Variants in LMTK2 observed in about 807,000 individuals in gnomAD.
LMTK2 encodes the protein lemur tail kinase 2, also known as serine/threonine-protein kinase LMTK2.
In LMTK2, 37 loss-of-function variants were observed where a neutral mutation model predicts 127.5. The observed-to-expected ratio is 0.29, with a 90% CI of 0.22 to 0.38. The LOEUF (loss-of-function observed/expected upper bound fraction) is 0.38. Among genes scored for constraint, LMTK2 ranks in the 10% least tolerant of loss-of-function variants. The pLI is 1.00. For missense variants in LMTK2, 1,694 were observed against 1,920.3 expected (o/e 0.88, Z 2.20); for synonymous variants, 819 against 810.1 (o/e 1.01, Z -0.19).
chr7:98,193,969 G>A lies in LMTK2; in HGVS notation c.3504G>A (p.Leu1168=). ...CAGATGAAAGTTGTCTGTCTGCTTT[G>A]CACAACTCCAGTGACCTGGAATTAA... ...SQPDESCLSA[L]HNSSDLELRA... is the part of the protein sequence containing the mutation. Residue 1168 remains leucine, a synonymous_variant, in exon 11 of 14, where the codon TTG becomes TTA. Coordinates refer to ENST00000297293, the MANE Select transcript of LMTK2 (RefSeq NM_014916.4). The surrounding 1 kb of genome is among the most constrained non-coding windows in gnomAD (Gnocchi z 4.1). 1 of 1,614,072 alleles carries A rather than the reference G, an allele frequency of 6.2e-7. No homozygotes were observed. The highest frequency in any genetic ancestry group is 8.5e-7 in the Non-Finnish European group (1 of 1,180,052).
Position 98,186,953 on chromosome 7 carries a change from A to C in LMTK2, c.953A>C (p.Gln318Pro). 1.2e-6 allele frequency: 2 copies of C among 1,613,908 alleles called. No homozygotes were observed. Among genetic ancestry groups the C allele is most frequent in the Non-Finnish European group, 1.7e-6 (2 of 1,179,786 alleles). ...GCTCCAGAATTAGTAACCAGCTTTC[A>C]AGACAGACTGCTAACTGCAGATCAG... ...WTAPELVTSFQDRLLTADQTK... is the reference protein window; with the variant it reads ...WTAPELVTSFPDRLLTADQTK... The change falls in exon 9 of 14, where the codon CAA becomes CCA. Residue 318 changes from glutamine to proline, a missense_variant. Gln to Pro is a moderately conservative substitution (Grantham distance 76). Around this residue, in one of 8 missense-constraint regions of LMTK2, gnomAD observed 47 missense variants for 95.4 expected, o/e 0.49. Transcript: ENST00000297293.
At position 98,193,690 on chromosome 7, in the gene LMTK2, C is replaced by G; in HGVS notation, c.3225C>G (p.Ile1075Met). 6.2e-7 allele frequency: 1 copy of G among 1,613,902 alleles called. No individual in the cohort carries two copies. The highest frequency in any genetic ancestry group is 8.5e-7 in the Non-Finnish European group (1 of 1,180,008). Residue 1075 changes from isoleucine to methionine, a missense_variant, in exon 11 of 14, where the codon ATC (isoleucine) becomes ATG (methionine). Physicochemically the swap from Ile to Met is conservative, Grantham distance 10. Coordinates refer to ENST00000297293, the MANE Select transcript of LMTK2 (RefSeq NM_014916.4). The surrounding 1 kb of genome is among the most constrained non-coding windows in gnomAD (Gnocchi z 4.1). ...SGLPPNPVIV[I>M]SDAGDGHRGT... ...TGCCTCCCAACCCGGTCATTGTCAT[C>G]TCAGATGCCGGCGATGGTCACAGAG...
At chr7:98,183,061 T>C (rs1797378421) in intron 7 of LMTK2, among the ~76,000 whole-genome samples, 1 of 152,200 alleles carries the variant, frequency 6.6e-6, no homozygotes, top group Admixed American at 6.5e-5. Context: ...AAGTAAAGCA[T>C]CACATGACAG....
At chr7:98,201,311 AGCATTTTAAATTTCT>A (rs1295832294) in intron 11 of LMTK2, among the ~76,000 whole-genome samples, 3 of 152,198 alleles carry the variant, frequency 2.0e-5, no homozygotes, top group Non-Finnish European at 2.9e-5. Context: ...TAGGACCAGA[AGCATTTTAAATTTCT>A]GATTTTTTCA....
chr7:98,197,370 T>C (rs1257192605), intron 11 of LMTK2, among the ~76,000 whole-genome samples: 2 of 152,248 alleles, frequency 1.3e-5, no homozygotes, highest in African/African-American at 2.4e-5. Context: ...CACAGAACTT[T>C]TCACCACTGA....
chr7:98,188,487 G>A (rs1797473475), intron 9 of LMTK2, among the ~76,000 whole-genome samples: 1 of 151,944 alleles, frequency 6.6e-6, no homozygotes, highest in South Asian at 2.1e-4. Context: ...TAGTAGAGAC[G>A]AGGTCATGCT....
chr7:98,127,113 G>A (rs1477067847), intron 1 of LMTK2, among the ~76,000 whole-genome samples: 1 of 152,166 alleles, frequency 6.6e-6, no homozygotes, highest in Non-Finnish European at 1.5e-5. Context: ...AAAACACTTT[G>A]TGACTTAAAA....
chr7:98,181,816 G>T lies in LMTK2; in HGVS notation c.792-3235G>T, dbSNP rs187408856. On this transcript the variant is annotated intron_variant, in intron 7 of 13. Coordinates refer to ENST00000297293, the MANE Select transcript of LMTK2 (RefSeq NM_014916.4). The stretch of plus-strand genomic sequence containing the variant: ...TGGAATTACAGGCACCCACCATCAT[G>T]CCCGGCTAATTTTTGTATTTTTAGT... 2.1e-4 allele frequency among the ~76,000 whole-genome samples: 31 copies of T among 150,892 alleles called. 2 individuals carry two copies. The East Asian group carries it at 6.7e-3, about 33-fold the overall frequency.
At position 98,193,744 on chromosome 7, in the gene LMTK2, A is replaced by G. The variant is rs1797576341; in HGVS notation, c.3279A>G (p.Thr1093=). The change falls in exon 11 of 14, where the codon ACA becomes ACG. Residue 1093 remains threonine (T), a synonymous_variant. Coordinates refer to ENST00000297293, the MANE Select transcript of LMTK2 (RefSeq NM_014916.4). This position sits in a 1 kb window ranked among gnomAD's most constrained non-coding sequence, Gnocchi z 4.1. The stretch of plus-strand genomic sequence containing the variant: ...CAGAAGTGACCCCTGAGACGTTCAC[A>G]GCTGGCTCCCAGGGTTCATACCGAG... ...RGTEVTPETF[T]AGSQGSYRDS... 4 of 1,613,824 alleles carry G rather than the reference A, an allele frequency of 2.5e-6. No individual in the cohort carries two copies. Among genetic ancestry groups the G allele is most frequent in the Admixed American group, 3.3e-5 (2 of 59,988 alleles).
At chr7:98,134,087 G>T (rs189567205) in intron 1 of LMTK2, among the ~76,000 whole-genome samples, 5 of 152,298 alleles carry the variant, frequency 3.3e-5, no homozygotes, top group Admixed American at 1.3e-4. Context: ...GAAAGCGAGG[G>T]AGCTTGCACC....
chr7:98,145,998 A>G (rs542311479), intron 3 of LMTK2, among the ~76,000 whole-genome samples: 2 of 152,330 alleles, frequency 1.3e-5, no homozygotes, highest in African/African-American at 2.4e-5. Context: ...GGTGTGAGGT[A>G]AGGATCCACC....
chr7:98,178,039 A>G (rs10279396), intron 7 of LMTK2, among the ~76,000 whole-genome samples: 9,111 of 152,230 alleles, frequency 0.06, 670 homozygotes, highest in East Asian at 0.36. Context: ...TTCACCTCTC[A>G]TCAGCTTTAC....
At position 98,204,176 on chromosome 7, in the gene LMTK2, C is replaced by T. The variant is rs376844550; in HGVS notation, c.4473C>T (p.Ile1491=). The part of the protein sequence containing the change: ...FSLTHLTDSD[I]EQGGSSEDGE... ...TCACACACCTGACCGACTCGGACAT[C>T]GAGCAGGGCGGTGAGAGGCGCTGCG... The change falls in exon 13 of 14, where the codon ATC becomes ATT. Residue 1491 remains isoleucine (I), a synonymous_variant. Coordinates refer to ENST00000297293, the MANE Select transcript of LMTK2 (RefSeq NM_014916.4). 33 of 1,605,990 alleles carry T rather than the reference C, an allele frequency of 2.1e-5. No homozygotes were observed. Among genetic ancestry groups the T allele is most frequent in the Middle Eastern group, 1.6e-4 (1 of 6,084 alleles).
intron 3 of LMTK2, among the ~76,000 whole-genome samples, chr7:98,142,205 G>A (rs932226037): frequency 1.3e-5 from 2 of 152,102 alleles, no homozygotes; most frequent in East Asian, 1.9e-4. Context: ...TGAGATTGCC[G>A]CAAGAAGGCT....
chr7:98,182,004 G>A (rs959728972), intron 7 of LMTK2, among the ~76,000 whole-genome samples: 1 of 152,180 alleles, frequency 6.6e-6, no homozygotes, highest in African/African-American at 2.4e-5. Flanking sequence ...AATGGAGAAA[G>A]GATAGTGTTT....
intron 9 of LMTK2, among the ~76,000 whole-genome samples, chr7:98,187,966 T>G (rs1797466323): frequency 6.6e-6 from 1 of 152,152 alleles, no homozygotes; most frequent in Admixed American, 6.5e-5. Context: ...TCCCCTTCAC[T>G]CCAGACATGT....
chr7:98,168,023 C>T (rs550667595), intron 6 of LMTK2, among the ~76,000 whole-genome samples: 1 of 152,266 alleles, frequency 6.6e-6, no homozygotes, highest in Non-Finnish European at 1.5e-5. Flanking sequence ...GGGCAGGTCA[C>T]TCCTTGATAG....
At chr7:98,110,373 T>C (rs555470506) in intron 1 of LMTK2, among the ~76,000 whole-genome samples, 33 of 152,238 alleles carry the variant, frequency 2.2e-4, no homozygotes, top group African/African-American at 7.9e-4. Flanking sequence ...GGGATGCCGT[T>C]TTGCCCCCTA....
At chr7:98,145,665 T>A (rs1796762500) in intron 3 of LMTK2, among the ~76,000 whole-genome samples, 1 of 152,180 alleles carries the variant, frequency 6.6e-6, no homozygotes, top group Non-Finnish European at 1.5e-5. Flanking sequence ...TTCTCTGTCA[T>A]TAATTTGTGT....
Sources: allele counts gnomAD v4.1 joint callset (sites outside exome capture counted in the v4.1 genomes callset), GRCh38; gene constraint gnomAD v4.1.1; regional missense constraint gnomAD v4.1.1; non-coding constraint Gnocchi (gnomAD v3.1); transcripts MANE v1.5; gene names NCBI Gene and HGNC (gene_info 2026-07-23, HGNC 2026-07-21).